PRRC2B: variants seen among roughly 807,000 people sequenced by gnomAD.
PRRC2B encodes the protein proline rich coiled-coil 2B, also known as protein PRRC2B.
PRRC2B carries 68 observed loss-of-function variants against 242.3 expected under a neutral mutation model. The observed-to-expected ratio is 0.28, with a 90% CI of 0.23 to 0.34. The LOEUF is 0.34. Ranked by LOEUF, PRRC2B falls within the 10% of genes least tolerant of loss-of-function variation. The probability of loss-of-function intolerance (pLI) is 1.00; values close to 1 mark genes in which losing one functional copy is unlikely to be tolerated. For synonymous variants in PRRC2B, 1,228 were observed against 1,173.6 expected, an observed-to-expected ratio of 1.05 and a Z score of -0.95; for missense variants, 2,835 against 2,954.8, an observed-to-expected ratio of 0.96 and a Z score of 0.94.
chr9:131,414,839 G>T (rs1292416329), intron 1 of PRRC2B, among the ~76,000 whole-genome samples: 1 of 151,856 alleles, frequency 6.6e-6, no homozygotes, highest in African/African-American at 2.4e-5. Flanking sequence ...CAAAGTGCTG[G>T]GATTACAAGC....
chr9:131,467,680 C>T lies in PRRC2B; in HGVS notation c.1838C>T (p.Ser613Phe). The T allele has an allele frequency of 3.1e-6, 5 of 1,613,996 alleles. No homozygotes were observed. The highest frequency in any genetic ancestry group is 3.4e-6 in the Non-Finnish European group (4 of 1,179,890). ...GAGGAAGAGGCCAGAGAGGCTGGGT[C>T]CCCTGCACAGGAGTTCAAGTATCAG... The part of the protein sequence containing the change: ...SSEEEAREAG[S>F]PAQEFKYQKS... The change falls in exon 13 of 32, where the codon TCC becomes TTC. Residue 613 changes from serine to phenylalanine, a missense_variant. Physicochemically the swap from Ser to Phe is radical, Grantham distance 155 (BLOSUM62 -2). This residue lies in a region of PRRC2B where 1,536 missense variants were observed against 1,483.1 expected (regional missense o/e 1.04). Coordinates refer to ENST00000683519, the MANE Select transcript of PRRC2B (RefSeq NM_013318.4).
At chr9:131,474,347 TA>T in intron 15 of PRRC2B, 106 bp from the exon 16 acceptor site, 1 of 955,460 alleles carries the variant, frequency 1.0e-6, no homozygotes, top group Non-Finnish European at 1.5e-6. Context: ...AAAAGTGTTT[TA>T]GTTTTTGTTT....
intron 1 of PRRC2B, among the ~76,000 whole-genome samples, chr9:131,429,095 T>C (rs1838053322): frequency 6.6e-6 from 1 of 152,136 alleles, no homozygotes; most frequent in Admixed American, 6.5e-5. Context: ...TACATATACC[T>C]GCCACCATGC....
rs746223213 is a variant in PRRC2B, at chr9:131,444,297, G to A, written c.582G>A (p.Ser194=). The change falls in exon 6 of 32, where the codon TCG becomes TCA. Residue 194 remains serine, a synonymous_variant. Transcript: ENST00000683519. ...AGKEKGVLDL[S]YGPGPSLRPQ... Reference sequence around the variant, plus strand: ...AAGAAAAGGGCGTCTTAGATCTGTCGTATGGGCCAGGACCAAGCCTCCGCC... The same window carrying A: ...AAGAAAAGGGCGTCTTAGATCTGTCATATGGGCCAGGACCAAGCCTCCGCC... 1.4e-5 allele frequency: 23 copies of A among 1,613,172 alleles called. No homozygotes were observed. The highest frequency in any genetic ancestry group is 4.0e-5 in the African/African-American group (3 of 74,924).
rs1332129149 is a variant in PRRC2B, at chr9:131,444,237, G to A, written c.522G>A (p.Thr174=). 1.9e-6 allele frequency: 3 copies of A among 1,613,968 alleles called. No individual in the cohort carries two copies. Among genetic ancestry groups the A allele is most frequent in the Non-Finnish European group, 1.7e-6 (2 of 1,179,880 alleles). The part of the protein sequence containing the change: ...LLSFSPEEFP[T]LKAAGGQDKA... Reference sequence around the variant, plus strand: ...CCTTCTCTCCCGAGGAATTTCCGACGCTGAAAGCAGCTGGAGGGCAGGACA... The same window carrying A: ...CCTTCTCTCCCGAGGAATTTCCGACACTGAAAGCAGCTGGAGGGCAGGACA... Residue 174 remains threonine, a synonymous_variant, in exon 6 of 32, where the codon ACG becomes ACA. Coordinates refer to ENST00000683519, the MANE Select transcript of PRRC2B (RefSeq NM_013318.4).
At position 131,429,584 on chromosome 9, in the gene PRRC2B, G is replaced by C. The variant is rs953464442; in HGVS notation, c.-51-510G>C. On this transcript the variant is annotated intron_variant, in intron 1 of 31. Transcript: ENST00000683519. ...GTGTATATACTTGATTATTTCTGAA[G>C]GATAATACTCTGGCTGCCCTCCTTT... is the stretch of plus-strand genomic sequence containing the variant. 4.6e-5 allele frequency among the ~76,000 whole-genome samples: 7 copies of C among 152,166 alleles called. No homozygotes were observed. In the East Asian group the frequency reaches 1.3e-3, roughly 29 times the overall value.
chr9:131,485,986 C>T (rs932732199), intron 25 of PRRC2B, 99 bp from the exon 26 acceptor site: 13 of 859,224 alleles, frequency 1.5e-5, no homozygotes, highest in Admixed American at 4.0e-5. Context: ...CCACTGAGTC[C>T]CCTGGGTAGA....
chr9:131,387,281 G>A (rs1219729256), intron 1 of PRRC2B, among the ~76,000 whole-genome samples: 3 of 150,120 alleles, frequency 2.0e-5, no homozygotes, highest in Admixed American at 6.9e-5. Context: ...GATTACAGGC[G>A]TGAGCCACCG....
At chr9:131,456,114 A>G (rs1462312524) in intron 10 of PRRC2B, among the ~76,000 whole-genome samples, 1 of 152,024 alleles carries the variant, frequency 6.6e-6, no homozygotes, top group Non-Finnish European at 1.5e-5. Context: ...CTCTGTCTCA[A>G]AGGAAAAAGA....
intron 13 of PRRC2B, among the ~76,000 whole-genome samples, chr9:131,470,258 G>A (rs980167622): frequency 5.3e-5 from 8 of 152,180 alleles, no homozygotes; most frequent in African/African-American, 1.7e-4. Context: ...TTTAGGCGTC[G>A]GGTGGAGAGC....
upstream of PRRC2B, among the ~76,000 whole-genome samples, chr9:131,391,104 T>C (rs1265733907): frequency 6.6e-6 from 1 of 152,090 alleles, no homozygotes; most frequent in African/African-American, 2.4e-5. Flanking sequence ...CTTTTAACCC[T>C]TCCCTCGCTG....
intron 1 of PRRC2B, among the ~76,000 whole-genome samples, chr9:131,400,130 C>T (rs373126306): frequency 1.3e-5 from 2 of 152,102 alleles, no homozygotes; most frequent in Non-Finnish European, 2.9e-5. Flanking sequence ...GTCGCCCAGT[C>T]TGGAGTGCAG....
At chr9:131,465,184 A>G (rs1385047543) in intron 12 of PRRC2B, 106 bp downstream of exon 12, 2 of 1,103,394 alleles carry the variant, frequency 1.8e-6, no homozygotes, top group Non-Finnish European at 2.6e-6. Context: ...TATGGCTTAC[A>G]ACGAGATCGT....
intron 1 of PRRC2B, 140 bp downstream of exon 1, chr9:131,394,403 C>A (rs1836982684): frequency 6.8e-6 from 1 of 145,996 alleles, no homozygotes; most frequent in African/African-American, 2.5e-5. Context: ...CCTTTGTCCG[C>A]GAGCGCGGCC....
At chr9:131,424,875 A>G (rs980756110) in intron 1 of PRRC2B, among the ~76,000 whole-genome samples, 3 of 152,228 alleles carry the variant, frequency 2.0e-5, no homozygotes, top group African/African-American at 7.2e-5. Context: ...GGTTGAATTT[A>G]CTGGGAGGAC....
upstream of PRRC2B, among the ~76,000 whole-genome samples, chr9:131,392,262 C>G (rs1418028848): frequency 6.6e-6 from 1 of 151,840 alleles, no homozygotes; most frequent in African/African-American, 2.4e-5. Flanking sequence ...CCATGCCTGG[C>G]TAATTTTTGT....
intron 6 of PRRC2B, among the ~76,000 whole-genome samples, chr9:131,445,618 C>T (rs1838775195): frequency 6.6e-6 from 1 of 152,170 alleles, no homozygotes; most frequent in African/African-American, 2.4e-5. Flanking sequence ...GAGGGGTGAC[C>T]TTGGCTTGCC....
intron 13 of PRRC2B, among the ~76,000 whole-genome samples, chr9:131,469,728 C>T (rs549326261): frequency 3.9e-5 from 6 of 152,282 alleles, no homozygotes; most frequent in East Asian, 3.9e-4. Flanking sequence ...TAGGAATTAG[C>T]GCCCGAGGTC....
upstream of PRRC2B, among the ~76,000 whole-genome samples, chr9:131,391,532 A>T (rs574619063): frequency 1.3e-5 from 2 of 152,144 alleles, no homozygotes; most frequent in South Asian, 2.1e-4. Flanking sequence ...ATTTTCACAG[A>T]TTTCAGGGAT....
Sources: gnomAD v4.1 joint callset for allele counts (sites outside exome capture counted in the v4.1 genomes callset) on GRCh38, gnomAD v4.1.1 for gene constraint, gnomAD v4.1.1 regional missense constraint, MANE v1.5 for transcripts, NCBI Gene and HGNC (gene_info 2026-07-23, HGNC 2026-07-21) for gene names.